ZNF799: variants seen among roughly 807,000 people sequenced by gnomAD.
The protein encoded by ZNF799 is zinc finger protein 799.
ZNF799 carries 28 observed loss-of-function variants against 41.0 expected under a neutral mutation model. That is an observed-to-expected ratio of 0.68 (90% confidence interval 0.51 to 0.94). The LOEUF (loss-of-function observed/expected upper bound fraction) is 0.94. ZNF799 is among the 40% of genes least tolerant of loss of function. The probability of loss-of-function intolerance (pLI) is 0.00; values close to 1 mark genes in which losing one functional copy is unlikely to be tolerated. For missense variants in ZNF799, 716 were observed against 764.3 expected (o/e 0.94, Z 0.74); for synonymous variants, 213 against 252.9 (o/e 0.84, Z 1.50).
the ZNF799 span, among the ~76,000 whole-genome samples, chr19:12,413,848 G>A: frequency 1.3e-5 from 2 of 152,176 alleles, no homozygotes; most frequent in Non-Finnish European, 2.9e-5. Flanking sequence ...GGAAGGGTCC[G>A]CAGACCGGGT....
upstream of ZNF799, among the ~76,000 whole-genome samples, chr19:12,404,344 C>T (rs1247502372): frequency 2.7e-4 from 41 of 152,120 alleles, 1 homozygote; most frequent in Admixed American, 2.4e-3. Context: ...TAATCTTTGT[C>T]GATTTACTGT....
At chr19:12,403,982 T>C (rs1370347579), upstream of ZNF799, among the ~76,000 whole-genome samples, 1 of 152,242 alleles carries the variant, frequency 6.6e-6, no homozygotes, top group African/African-American at 2.4e-5. Flanking sequence ...AACTTTACAA[T>C]TTCCTTCTTA....
At chr19:12,399,795 T>C (rs1252919620) in intron 1 of ZNF799, among the ~76,000 whole-genome samples, 2 of 151,864 alleles carry the variant, frequency 1.3e-5, no homozygotes, top group African/African-American at 4.8e-5. Context: ...AGGTGCCAGC[T>C]ACCAAGCCCA....
rs1213774800 is a variant in ZNF799, at chr19:12,390,075, A to T, written c.*391T>A. The T allele has an allele frequency of 3.7e-6, 1 of 267,108 alleles. No homozygotes were observed. Among genetic ancestry groups the T allele is most frequent in the African/African-American group, 2.2e-5 (1 of 45,100 alleles). The allele number at this position is 267,108 out of a possible 1,614,324, so 16.5% of individuals were successfully genotyped here. A position where few individuals can be genotyped will look rare whatever the true frequency, so the allele number is the denominator to read the frequency against. On this transcript the variant is annotated 3_prime_UTR_variant, in exon 4 of 4. Transcript: ENST00000430385. ...CTGACTATACTATGTTGATAGGCTG[A>T]CAATTACTGCATCTATACTGAAAAT...
chr19:12,402,695 A>G (rs1211903442), upstream of ZNF799, among the ~76,000 whole-genome samples: 1 of 152,018 alleles, frequency 6.6e-6, no homozygotes, highest in Non-Finnish European at 1.5e-5. Flanking sequence ...AAATGATTAT[A>G]TGGTGTTTGC....
chr19:12,393,637 A>G, intron 1 of ZNF799: 1 of 1,419,034 alleles, frequency 7.0e-7, no homozygotes, highest in Non-Finnish European at 9.2e-7. Context: ...ACAGTGGGAT[A>G]GAAACATGCC....
the ZNF799 span, among the ~76,000 whole-genome samples, chr19:12,406,627 G>A: frequency 0.02 from 2,970 of 152,178 alleles, 100 homozygotes; most frequent in African/African-American, 0.068. Flanking sequence ...GAGGCCTGGC[G>A]CGGTGGCTCA....
At chr19:12,400,190 G>A (rs1037711211) in intron 1 of ZNF799, 6 of 152,510 alleles carry the variant, frequency 3.9e-5, no homozygotes, top group African/African-American at 1.4e-4. Flanking sequence ...GGAAGACTCA[G>A]AGGGGAAACG....
chr19:12,398,714 G>A (rs532294169), intron 1 of ZNF799, among the ~76,000 whole-genome samples: 2 of 152,236 alleles, frequency 1.3e-5, no homozygotes, highest in African/African-American at 4.8e-5. Context: ...CTGAACTTTT[G>A]TTAAATCCTT....
At chr19:12,408,845 C>T in the ZNF799 span, among the ~76,000 whole-genome samples, 3 of 152,034 alleles carry the variant, frequency 2.0e-5, no homozygotes, top group East Asian at 1.9e-4. Context: ...ACCAGTGTGG[C>T]CAACATAGTG....
Position 12,391,961 on chromosome 19 carries a change from C to T in ZNF799, c.437G>A (p.Arg146His), listed in dbSNP as rs199689877. The change falls in exon 4 of 4, where the codon CGT (arginine) becomes CAT (histidine). Residue 146 changes from arginine to histidine, a missense_variant. Physicochemically the swap from Arg to His is conservative, Grantham distance 29. This residue lies in a region of ZNF799 where 698 missense variants were observed against 713.6 expected (regional missense o/e 0.98). Transcript: ENST00000430385. Reference protein sequence around the residue: ...CGEKPDTHKQRGKAFSYHNSL... With the variant: ...CGEKPDTHKQHGKAFSYHNSL... The stretch of plus-strand genomic sequence containing the variant: ...GTTGTGGTAACTGAAGGCTTTCCCA[C>T]GTTGTTTATGCGTATCTGGCTTCTC... 5.5e-5 allele frequency: 89 copies of T among 1,614,062 alleles called. No homozygotes were observed. In the East Asian group the frequency reaches 1.0e-3, roughly 19 times the overall value.
At chr19:12,398,916 T>C (rs1468929012) in intron 1 of ZNF799, among the ~76,000 whole-genome samples, 1 of 152,114 alleles carries the variant, frequency 6.6e-6, no homozygotes, top group Non-Finnish European at 1.5e-5. Context: ...AAATAAAGGT[T>C]TTTAAAAAAT....
chr19:12,399,552 A>C (rs11880393), intron 1 of ZNF799, among the ~76,000 whole-genome samples: 3,628 of 143,506 alleles, frequency 0.025, 172 homozygotes, highest in African/African-American at 0.1. Context: ...CCAGGGGGCC[A>C]CACCCCCCAT....
intron 1 of ZNF799, 80 bp downstream of exon 1, chr19:12,400,988 C>T: frequency 6.2e-7 from 1 of 1,612,854 alleles, no homozygotes; most frequent in East Asian, 2.2e-5. Flanking sequence ...CTTGGGGAGG[C>T]CCGGGTCCAG....
At chr19:12,408,070 C>A in the ZNF799 span, among the ~76,000 whole-genome samples, 4 of 152,124 alleles carry the variant, frequency 2.6e-5, no homozygotes, top group African/African-American at 9.7e-5. Flanking sequence ...GCAGTGGGAT[C>A]TTGAGCCCAG....
intron 1 of ZNF799, among the ~76,000 whole-genome samples, chr19:12,398,878 A>G (rs1230207456): frequency 6.6e-6 from 1 of 152,178 alleles, no homozygotes; most frequent in Non-Finnish European, 1.5e-5. Flanking sequence ...TGAGAAACAT[A>G]CTACACAAGC....
the ZNF799 span, among the ~76,000 whole-genome samples, chr19:12,412,978 C>T: frequency 1.6e-5 from 2 of 126,400 alleles, no homozygotes; most frequent in East Asian, 2.4e-4. Flanking sequence ...TGATGGTGAG[C>T]GGAGGCTATG....
upstream of ZNF799, among the ~76,000 whole-genome samples, chr19:12,401,764 C>T (rs1490757533): frequency 6.6e-6 from 1 of 151,654 alleles, no homozygotes; most frequent in Non-Finnish European, 1.5e-5. Context: ...TTAGTAGAGG[C>T]CGGGTTTCAC....
chr19:12,398,260 A>C, intron 1 of ZNF799: 1 of 2,326 alleles, frequency 4.3e-4, no homozygotes, highest in Non-Finnish European at 2.3e-3. Flanking sequence ...CGCTGTCTCA[A>C]AAAAAAAAAA....
Sources: allele counts gnomAD v4.1 joint callset (sites outside exome capture counted in the v4.1 genomes callset), GRCh38; gene constraint gnomAD v4.1.1; regional missense constraint gnomAD v4.1.1; transcripts MANE v1.5; gene names NCBI Gene and HGNC (gene_info 2026-07-23, HGNC 2026-07-21).